DYM: variants seen among roughly 807,000 people sequenced by gnomAD.
DYM encodes the protein dyggve-Melchior-Clausen syndrome protein.
DYM carries 78 observed loss-of-function variants against 93.1 expected under a neutral mutation model. That is an observed-to-expected ratio of 0.84 (90% CI 0.70 to 1.01). DYM has a LOEUF of 1.01. Among genes scored for constraint, DYM ranks in the 50% least tolerant of loss-of-function variants. DYM has a pLI of 0.00. For missense variants in DYM, 789 were observed against 845.0 expected, an observed-to-expected ratio of 0.93 and a Z score of 0.82; for synonymous variants, 321 against 319.7, an observed-to-expected ratio of 1.00 and a Z score of -0.04.
intron 2 of DYM, among the ~76,000 whole-genome samples, chr18:49,428,846 T>C (rs2074548945): frequency 6.6e-6 from 1 of 152,188 alleles, no homozygotes; most frequent in Non-Finnish European, 1.5e-5. Flanking sequence ...TAATACACTT[T>C]AAATGGGTGA....
At chr18:49,254,939 G>A (rs954035173) in intron 13 of DYM, among the ~76,000 whole-genome samples, 2 of 152,140 alleles carry the variant, frequency 1.3e-5, no homozygotes, top group Admixed American at 1.3e-4. Context: ...AAAACTCCAA[G>A]GTAGGAGGAG....
chr18:49,448,149 T>C (rs1001436691), intron 1 of DYM, among the ~76,000 whole-genome samples: 3 of 152,196 alleles, frequency 2.0e-5, no homozygotes, highest in African/African-American at 7.2e-5. Context: ...ATGAGAAAAC[T>C]CTGCCTTCAA....
intron 14 of DYM, among the ~76,000 whole-genome samples, chr18:49,196,495 T>C (rs2091463462): frequency 6.6e-6 from 1 of 152,026 alleles, no homozygotes; most frequent in South Asian, 2.1e-4. Context: ...ACTAATGATC[T>C]ACTCTTAGAG....
intron 1 of DYM, among the ~76,000 whole-genome samples, chr18:49,450,372 C>T (rs1420180149): frequency 6.6e-6 from 1 of 152,100 alleles, no homozygotes; most frequent in Non-Finnish European, 1.5e-5. Context: ...TAAACTAATA[C>T]AAGGGTAAAA....
At chr18:49,080,724 AGGGG>A (rs2077882573) in intron 17 of DYM, among the ~76,000 whole-genome samples, 4 of 145,632 alleles carry the variant, frequency 2.7e-5, no homozygotes, top group East Asian at 2.2e-4. Flanking sequence ...TGCCGGGCAG[AGGGG>A]CTCCTCACTT....
intron 14 of DYM, among the ~76,000 whole-genome samples, chr18:49,194,238 A>G (rs2091235629): frequency 6.6e-6 from 1 of 152,226 alleles, no homozygotes; most frequent in South Asian, 2.1e-4. Context: ...GGAATTTTGT[A>G]TCCAATCCAA....
chr18:49,105,422 C>A (rs373653692), intron 16 of DYM, among the ~76,000 whole-genome samples: 3,839 of 152,056 alleles, frequency 0.025, 60 homozygotes, highest in South Asian at 0.064. Context: ...TTCTGCTCTG[C>A]TCTTAGTTAT....
At chr18:49,258,569 T>G (rs2094431991) in intron 11 of DYM, 76 bp from the exon 12 acceptor site, 3 of 929,012 alleles carry the variant, frequency 3.2e-6, no homozygotes, top group Non-Finnish European at 5.2e-6. Flanking sequence ...TCCACAATTT[T>G]TGATAAACGA....
intron 1 of DYM, among the ~76,000 whole-genome samples, chr18:49,443,285 A>G (rs2081821678): frequency 6.6e-6 from 1 of 152,208 alleles, no homozygotes. Flanking sequence ...CACATGGTCT[A>G]TAGCTGTTTT....
intron 1 of DYM, among the ~76,000 whole-genome samples, chr18:49,450,672 G>A (rs189566568): frequency 1.3e-5 from 2 of 152,256 alleles, no homozygotes; most frequent in African/African-American, 2.4e-5. Context: ...TTGCCAAAAC[G>A]ATGTCCAATC....
intron 13 of DYM, among the ~76,000 whole-genome samples, chr18:49,211,329 G>A (rs186301021): frequency 3.5e-4 from 53 of 152,206 alleles, no homozygotes; most frequent in African/African-American, 1.1e-3. Context: ...TTTCACTGAC[G>A]CCACATTTCA....
At chr18:49,339,183 T>C (rs906892022) in intron 6 of DYM, among the ~76,000 whole-genome samples, 3 of 152,260 alleles carry the variant, frequency 2.0e-5, no homozygotes, top group Non-Finnish European at 2.9e-5. Flanking sequence ...ATGGGAATAC[T>C]AACCAGCATA....
At chr18:49,216,058 C>T (rs1250001953) in intron 13 of DYM, among the ~76,000 whole-genome samples, 1 of 152,222 alleles carries the variant, frequency 6.6e-6, no homozygotes, top group Non-Finnish European at 1.5e-5. Context: ...TAATACTGCG[C>T]TTTTCCGATG....
intron 1 of DYM, among the ~76,000 whole-genome samples, chr18:49,445,605 A>G (rs1449052525): frequency 6.6e-6 from 1 of 152,234 alleles, no homozygotes; most frequent in Non-Finnish European, 1.5e-5. Flanking sequence ...TAATAGTAAC[A>G]GTTCCAAAAA....
intron 14 of DYM, among the ~76,000 whole-genome samples, chr18:49,167,008 G>C (rs1204316210): frequency 6.7e-6 from 1 of 149,826 alleles, no homozygotes; most frequent in Non-Finnish European, 1.5e-5. Context: ...GTGTGTGTGT[G>C]TGTGTGTGTG....
intron 8 of DYM, among the ~76,000 whole-genome samples, chr18:49,325,673 G>A (rs2062827831): frequency 6.6e-6 from 1 of 152,082 alleles, no homozygotes. Context: ...GATAAAATAG[G>A]CAAAAAATTT....
chr18:49,133,152 A>G (rs2083526012), intron 15 of DYM, among the ~76,000 whole-genome samples: 2 of 152,190 alleles, frequency 1.3e-5, no homozygotes, highest in South Asian at 4.1e-4. Context: ...CACTGATGAA[A>G]GTATAATCTG....
intron 14 of DYM, among the ~76,000 whole-genome samples, chr18:49,176,740 T>C (rs1209192546): frequency 1.3e-5 from 2 of 151,976 alleles, no homozygotes; most frequent in African/African-American, 4.8e-5. Flanking sequence ...CTAGATTTGG[T>C]CAGAAATGTT....
chr18:49,050,280 G>A (rs373867230), intron 17 of DYM, among the ~76,000 whole-genome samples: 5 of 151,228 alleles, frequency 3.3e-5, no homozygotes, highest in Non-Finnish European at 5.9e-5. Flanking sequence ...TAGTAGAGAC[G>A]GGGTTTCTCC....
Sources: gnomAD v4.1 joint callset for allele counts (sites outside exome capture counted in the v4.1 genomes callset) on GRCh38, gnomAD v4.1.1 for gene constraint, MANE v1.5 for transcripts, NCBI Gene and HGNC (gene_info 2026-07-23, HGNC 2026-07-21) for gene names.